The following PRKG1 variants were observed in gnomAD, a reference collection of about 807,000 sequenced individuals.
PRKG1 encodes the protein protein kinase cGMP-dependent 1.
A neutral mutation model predicts 88.1 loss-of-function variants in PRKG1; 35 were observed. The observed-to-expected ratio is 0.40, with a 90% CI of 0.30 to 0.53. The LOEUF is 0.53. PRKG1 is among the 20% of genes least tolerant of loss of function. The pLI is 0.59. For synonymous variants in PRKG1, 303 were observed against 292.5 expected (o/e 1.04, Z -0.37); for missense variants, 540 against 839.8 (o/e 0.64, Z 4.41).
intron 7 of PRKG1, among the ~76,000 whole-genome samples, chr10:52,114,557 A>AATATAT (rs558013508): frequency 1.3e-5 from 2 of 149,972 alleles, no homozygotes; most frequent in Non-Finnish European, 3.0e-5. Flanking sequence ...TAATATGCTG[A>AATATAT]ATATATATAT....
intron 3 of PRKG1, among the ~76,000 whole-genome samples, chr10:51,576,598 A>G (rs1373757979): frequency 6.6e-6 from 1 of 151,972 alleles, no homozygotes; most frequent in Admixed American, 6.6e-5. Context: ...GGGACAAAGG[A>G]CATACCCATT....
chr10:52,134,134 G>C (rs571787422), intron 8 of PRKG1, among the ~76,000 whole-genome samples: 1 of 152,282 alleles, frequency 6.6e-6, no homozygotes, highest in African/African-American at 2.4e-5. Flanking sequence ...CTTCGGCTCA[G>C]CTCATTTGTA....
chr10:52,241,159 G>T (rs552300375), intron 9 of PRKG1, among the ~76,000 whole-genome samples: 5 of 152,232 alleles, frequency 3.3e-5, no homozygotes, highest in African/African-American at 1.2e-4. Flanking sequence ...AGGGTCTCCT[G>T]CCTGCCTGTT....
intron 3 of PRKG1, among the ~76,000 whole-genome samples, chr10:51,710,805 C>G (rs906499720): frequency 6.6e-6 from 1 of 152,018 alleles, no homozygotes; most frequent in Non-Finnish European, 1.5e-5. Context: ...GTCAATGTGC[C>G]TGTTGATGCC....
At chr10:51,917,713 G>A (rs1248689306) in intron 5 of PRKG1, among the ~76,000 whole-genome samples, 1 of 152,132 alleles carries the variant, frequency 6.6e-6, no homozygotes, top group Admixed American at 6.5e-5. Flanking sequence ...CGTTGATTTA[G>A]TGGTTGAACA....
chr10:52,294,178 C>T lies in PRKG1; in HGVS notation c.*278C>T. 2 of 320,592 alleles carry T rather than the reference C, an allele frequency of 6.2e-6. No individual in the cohort carries two copies. The highest frequency in any genetic ancestry group is 1.2e-5 in the Non-Finnish European group (2 of 173,614). The allele number at this position is 320,592 out of a possible 1,614,324, so 19.9% of individuals were successfully genotyped here. A position where few individuals can be genotyped will look rare whatever the true frequency, so the allele number is the denominator to read the frequency against. On this transcript the variant is annotated 3_prime_UTR_variant, in exon 18 of 18. Coordinates refer to ENST00000373980, the MANE Select transcript of PRKG1 (RefSeq NM_006258.4). ...AAGATGTTTTCTATTGTTGCAATGA[C>T]CTTGCTTTGCTCTGATTATAATTTG...
intron 3 of PRKG1, among the ~76,000 whole-genome samples, chr10:51,724,070 G>A (rs1033457355): frequency 1.3e-5 from 2 of 152,052 alleles, no homozygotes; most frequent in African/African-American, 4.8e-5. Flanking sequence ...GGACTAGGTG[G>A]GGAAGATCTG....
At chr10:51,760,646 A>T (rs1024474219) in intron 3 of PRKG1, among the ~76,000 whole-genome samples, 2 of 151,668 alleles carry the variant, frequency 1.3e-5, no homozygotes. Flanking sequence ...TAATTTTTAT[A>T]TTTTTAGTAG....
At chr10:51,233,309 A>G (rs192365050) in intron 2 of PRKG1, among the ~76,000 whole-genome samples, 1 of 152,192 alleles carries the variant, frequency 6.6e-6, no homozygotes, top group African/African-American at 2.4e-5. Flanking sequence ...AAAAGTCTTC[A>G]TGAGAACACC....
intron 1 of PRKG1, among the ~76,000 whole-genome samples, chr10:51,091,287 T>C (rs149908916): frequency 2.0e-5 from 3 of 152,296 alleles, no homozygotes; most frequent in African/African-American, 7.2e-5. Flanking sequence ...GGTTTTTCAC[T>C]ACATTTATAG....
At chr10:52,021,324 G>T (rs1845178744) in intron 5 of PRKG1, among the ~76,000 whole-genome samples, 1 of 152,174 alleles carries the variant, frequency 6.6e-6, no homozygotes, top group South Asian at 2.1e-4. Context: ...TGGATTTTAA[G>T]CAGGAGGGAG....
At chr10:51,824,738 G>C (rs1469961946) in intron 4 of PRKG1, among the ~76,000 whole-genome samples, 1 of 152,070 alleles carries the variant, frequency 6.6e-6, no homozygotes, top group African/African-American at 2.4e-5. Context: ...CAGCAAGAGA[G>C]AGAGGAGGAG....
intron 3 of PRKG1, among the ~76,000 whole-genome samples, chr10:51,689,662 C>T (rs191314701): frequency 1.2e-4 from 19 of 152,276 alleles, no homozygotes; most frequent in African/African-American, 2.2e-4. Flanking sequence ...TTTAAATTTA[C>T]GTTTGCTTTG....
At chr10:51,101,791 C>T (rs1403223444) in intron 1 of PRKG1, among the ~76,000 whole-genome samples, 5 of 152,042 alleles carry the variant, frequency 3.3e-5, no homozygotes, top group Non-Finnish European at 5.9e-5. Context: ...TGCTGAGAAG[C>T]GATTGGATTT....
chr10:51,620,253 C>T (rs572528637), intron 3 of PRKG1, among the ~76,000 whole-genome samples: 8 of 151,926 alleles, frequency 5.3e-5, no homozygotes, highest in African/African-American at 1.5e-4. Flanking sequence ...GAAAAATAAC[C>T]GAAGGATTTC....
At chr10:52,233,465 C>T (rs1186956753) in intron 9 of PRKG1, among the ~76,000 whole-genome samples, 13 of 146,504 alleles carry the variant, frequency 8.9e-5, no homozygotes, top group Middle Eastern at 3.5e-3. Flanking sequence ...GTGCACCGTG[C>T]GCGAGCCGAA....
chr10:51,154,908 A>G (rs1209523502), intron 2 of PRKG1, among the ~76,000 whole-genome samples: 2 of 152,028 alleles, frequency 1.3e-5, no homozygotes, highest in Non-Finnish European at 2.9e-5. Flanking sequence ...GCAAAAATAT[A>G]TAGAGGTCAA....
chr10:52,142,566 TA>T (rs1837611015), intron 8 of PRKG1, among the ~76,000 whole-genome samples: 2 of 152,190 alleles, frequency 1.3e-5, no homozygotes, highest in Non-Finnish European at 2.9e-5. Flanking sequence ...TATCTCTCAA[TA>T]TATAGATCAA....
chr10:51,920,184 A>T (rs1244448447), intron 5 of PRKG1, among the ~76,000 whole-genome samples: 1 of 152,216 alleles, frequency 6.6e-6, no homozygotes, highest in African/African-American at 2.4e-5. Context: ...TGGGAAGCTA[A>T]GGACAGAAAG....
Sources: gnomAD v4.1 joint callset for allele counts (sites outside exome capture counted in the v4.1 genomes callset) on GRCh38, gnomAD v4.1.1 for gene constraint, MANE v1.5 for transcripts, NCBI Gene and HGNC (gene_info 2026-07-23, HGNC 2026-07-21) for gene names.